PLD1: variants seen among roughly 807,000 people sequenced by gnomAD.
The protein encoded by PLD1 is phospholipase D1, also known as choline phosphatase 1.
PLD1 carries 112 observed loss-of-function variants against 137.1 expected under a neutral mutation model. That is an observed-to-expected ratio of 0.82 (90% CI 0.70 to 0.96). The LOEUF (loss-of-function observed/expected upper bound fraction) is 0.96, where lower values mean the gene tolerates loss of function less well. Among genes scored for constraint, PLD1 ranks in the 40% least tolerant of loss-of-function variants. The pLI, the probability that PLD1 is intolerant of heterozygous loss-of-function variation, is 0.00. For missense variants in PLD1, 1,321 were observed against 1,342.0 expected, an observed-to-expected ratio of 0.98 and a Z score of 0.24; for synonymous variants, 431 against 454.7, an observed-to-expected ratio of 0.95 and a Z score of 0.66.
At position 171,671,345 on chromosome 3, in the gene PLD1, C is replaced by T. The variant is rs1354526052; in HGVS notation, c.2229+3155G>A. Among the ~76,000 whole-genome samples the T allele has an allele frequency of 3.9e-5, 6 of 152,176 alleles. No individual in the cohort carries two copies. The East Asian group carries it at 9.6e-4, about 24-fold the overall frequency. On this transcript the variant is annotated intron_variant, in intron 19 of 26. Transcript: ENST00000351298. ...TAGTGCCCTGGCCCATCAGTCATGA[C>T]ACAGTTCCTATGGTTCTTTGGAGAC...
intron 1 of PLD1, among the ~76,000 whole-genome samples, chr3:171,741,209 T>C (rs1320746256): frequency 6.6e-6 from 1 of 152,250 alleles, no homozygotes; most frequent in Non-Finnish European, 1.5e-5. Context: ...GGAACTTCAA[T>C]GGACCCAATG....
chr3:171,749,926 G>C (rs887279899), intron 1 of PLD1, among the ~76,000 whole-genome samples: 1 of 152,210 alleles, frequency 6.6e-6, no homozygotes, highest in African/African-American at 2.4e-5. Flanking sequence ...AGGACAGATG[G>C]GGTTTGGTGT....
rs748440037 is a variant in PLD1 at position 171,662,065 on chromosome 3, T to C, written c.2335A>G (p.Ile779Val). 3 of 1,575,366 alleles carry C rather than the reference T, an allele frequency of 1.9e-6. No homozygotes were observed. Among genetic ancestry groups the C allele is most frequent in the East Asian group, 4.5e-5 (2 of 44,674 alleles). The change falls in exon 20 of 27, where the codon ATC becomes GTC. Residue 779 changes from isoleucine (I) to valine (V), a missense_variant. Physicochemically the swap from Ile to Val is conservative, Grantham distance 29. Coordinates refer to ENST00000351298, the MANE Select transcript of PLD1 (RefSeq NM_002662.5). Reference sequence around the variant, plus strand: ...TTTACATGAGCAAGACTTACTTCGATATAGATATAGTGCCTGCTGTTCTCT... The same window carrying C: ...TTTACATGAGCAAGACTTACTTCGACATAGATATAGTGCCTGCTGTTCTCT... ...VIENSRHYIY[I>V]ENQFFISCAD...
chr3:171,747,472 T>C (rs1214753493), intron 1 of PLD1, among the ~76,000 whole-genome samples: 31 of 144,656 alleles, frequency 2.1e-4, no homozygotes, highest in East Asian at 5.9e-4. Context: ...CTTCCTCTCT[T>C]TTTTTTTTTT....
At chr3:171,788,158 C>T (rs1723078868) in intron 1 of PLD1, among the ~76,000 whole-genome samples, 1 of 150,424 alleles carries the variant, frequency 6.6e-6, no homozygotes, top group Non-Finnish European at 1.5e-5. Context: ...CGCGTCATTG[C>T]ACTCCAGCCT....
intron 16 of PLD1, among the ~76,000 whole-genome samples, chr3:171,679,885 T>C (rs761770450): frequency 1.3e-5 from 2 of 152,212 alleles, no homozygotes; most frequent in Non-Finnish European, 2.9e-5. Context: ...AGAGGACTTA[T>C]GGCATCAACA....
intron 1 of PLD1, among the ~76,000 whole-genome samples, chr3:171,783,000 T>TG (rs1212634050): frequency 6.6e-6 from 1 of 151,936 alleles, no homozygotes; most frequent in African/African-American, 2.4e-5. Context: ...GAGCAGGGGA[T>TG]GGGGGACAGA....
chr3:171,645,503 A>G (rs1326194718), intron 21 of PLD1, among the ~76,000 whole-genome samples: 1 of 152,182 alleles, frequency 6.6e-6, no homozygotes, highest in Non-Finnish European at 1.5e-5. Flanking sequence ...CACTGGACCC[A>G]TTACATTTTC....
intron 19 of PLD1, among the ~76,000 whole-genome samples, chr3:171,670,707 G>A (rs1279466980): frequency 6.6e-6 from 1 of 152,062 alleles, no homozygotes; most frequent in African/African-American, 2.4e-5. Flanking sequence ...CTGCCATGTG[G>A]CTAAATGTAC....
At chr3:171,670,281 G>A (rs75601687) in intron 19 of PLD1, among the ~76,000 whole-genome samples, 1 of 152,326 alleles carries the variant, frequency 6.6e-6, no homozygotes, top group East Asian at 1.9e-4. Flanking sequence ...GAGAGGACAT[G>A]AAATGTTCCA....
intron 1 of PLD1, among the ~76,000 whole-genome samples, chr3:171,756,079 A>C (rs1721007808): frequency 6.6e-6 from 1 of 152,194 alleles, no homozygotes; most frequent in Non-Finnish European, 1.5e-5. Context: ...CTCCCATCTG[A>C]CCACTGTATT....
intron 19 of PLD1, among the ~76,000 whole-genome samples, chr3:171,664,162 G>T (rs3774038): frequency 0.17 from 26,549 of 151,878 alleles, 2,435 homozygotes; most frequent in South Asian, 0.24. Context: ...TCATAGAAGA[G>T]AACTCATAAG....
At chr3:171,742,139 A>G (rs1013272449) in intron 1 of PLD1, among the ~76,000 whole-genome samples, 2 of 152,196 alleles carry the variant, frequency 1.3e-5, no homozygotes. Flanking sequence ...TCTGACCTCA[A>G]AGCCCAGCTA....
chr3:171,707,867 C>T (rs1318581517), intron 11 of PLD1, among the ~76,000 whole-genome samples: 1 of 152,068 alleles, frequency 6.6e-6, no homozygotes, highest in African/African-American at 2.4e-5. Flanking sequence ...TCCAGACAAC[C>T]GAAGCAAAAG....
chr3:171,680,131 G>T (rs1045410404), intron 16 of PLD1, among the ~76,000 whole-genome samples: 3 of 150,838 alleles, frequency 2.0e-5, no homozygotes, highest in Non-Finnish European at 1.5e-5. Context: ...CGGCTTCCAG[G>T]TCTCCATTTT....
chr3:171,765,548 C>T (rs1024132399), intron 1 of PLD1: 25 of 152,074 alleles, frequency 1.6e-4, no homozygotes, highest in African/African-American at 4.6e-4. Context: ...TGTGTGAAAA[C>T]GAGCAGAATA....
At chr3:171,680,163 C>T (rs1161299106) in intron 16 of PLD1, among the ~76,000 whole-genome samples, 1 of 151,728 alleles carries the variant, frequency 6.6e-6, no homozygotes, top group Non-Finnish European at 1.5e-5. Context: ...TCCAGCCTAT[C>T]CTTGTTCTTC....
chr3:171,701,870 G>GT (rs1318481772), intron 11 of PLD1, among the ~76,000 whole-genome samples: 5 of 152,146 alleles, frequency 3.3e-5, no homozygotes, highest in African/African-American at 1.2e-4. Flanking sequence ...AACTATAACT[G>GT]TAAGAGCATA....
chr3:171,716,400 GTTTA>G (rs1404259788), intron 8 of PLD1, among the ~76,000 whole-genome samples: 1 of 152,106 alleles, frequency 6.6e-6, no homozygotes, highest in Non-Finnish European at 1.5e-5. Context: ...GTCAGCATCT[GTTTA>G]TTTGTTTGTT....
Sources: allele counts gnomAD v4.1 joint callset (sites outside exome capture counted in the v4.1 genomes callset), GRCh38; gene constraint gnomAD v4.1.1; transcripts MANE v1.5; gene names NCBI Gene and HGNC (gene_info 2026-07-23, HGNC 2026-07-21).